CCDC91: variants seen among roughly 807,000 people sequenced by gnomAD.
CCDC91 encodes coiled-coil domain containing 91, also known as coiled-coil domain-containing protein 91.
A neutral mutation model predicts 63.2 loss-of-function variants in CCDC91; 48 were observed. The observed-to-expected ratio is 0.76, with a 90% CI of 0.60 to 0.97. The LOEUF (loss-of-function observed/expected upper bound fraction) is 0.97, where lower values mean the gene tolerates loss of function less well. Ranked by LOEUF, CCDC91 falls within the 50% of genes least tolerant of loss-of-function variation. The pLI is 0.00. For synonymous variants in CCDC91, 167 were observed against 165.8 expected, an observed-to-expected ratio of 1.01 and a Z score of -0.06; for missense variants, 500 against 494.6, an observed-to-expected ratio of 1.01 and a Z score of -0.10.
chr12:28,379,401 A>G (rs1185590349), intron 7 of CCDC91, among the ~76,000 whole-genome samples: 1 of 151,050 alleles, frequency 6.6e-6, no homozygotes, highest in Non-Finnish European at 1.5e-5. Context: ...CAGTCTACCC[A>G]TCTGACAAAG....
At chr12:28,320,177 C>T (rs1940339136) in intron 6 of CCDC91, among the ~76,000 whole-genome samples, 1 of 151,846 alleles carries the variant, frequency 6.6e-6, no homozygotes, top group South Asian at 2.1e-4. Context: ...TTTTTAGGAA[C>T]ATATAATTTG....
chr12:28,469,730 A>T (rs1457653623), intron 11 of CCDC91, among the ~76,000 whole-genome samples: 2 of 152,178 alleles, frequency 1.3e-5, no homozygotes, highest in Admixed American at 6.6e-5. Context: ...GTACTGGCAT[A>T]AAATCAGACA....
At chr12:28,276,999 T>C (rs770666593) in intron 3 of CCDC91, among the ~76,000 whole-genome samples, 6 of 151,978 alleles carry the variant, frequency 3.9e-5, no homozygotes, top group Admixed American at 6.6e-5. Flanking sequence ...TTCAGAGATA[T>C]GGTATCAGTT....
chr12:28,400,203 G>A lies in CCDC91; in HGVS notation c.762+8792G>A, dbSNP rs1378812860. 2.6e-5 allele frequency among the ~76,000 whole-genome samples: 4 copies of A among 152,274 alleles called. No individual in the cohort carries two copies. The South Asian group carries it at 8.3e-4, about 32-fold the overall frequency. On this transcript the variant is annotated intron_variant, in intron 8 of 12. Coordinates refer to ENST00000536442, the MANE Select transcript of CCDC91 (RefSeq NM_018318.5). ...CTCGATTCTTGATTTCTGTGCACCTGCATGCTCAATACCACATGCCAAGGC... is the reference window on the plus strand; with the variant it reads ...CTCGATTCTTGATTTCTGTGCACCTACATGCTCAATACCACATGCCAAGGC...
chr12:28,290,222 T>A (rs113303604), intron 3 of CCDC91, among the ~76,000 whole-genome samples: 4 of 152,302 alleles, frequency 2.6e-5, no homozygotes, highest in African/African-American at 9.6e-5. Context: ...TTAAGATAGA[T>A]CTTATTGAAT....
At chr12:28,255,019 G>A (rs546636098) in intron 1 of CCDC91, among the ~76,000 whole-genome samples, 15 of 152,014 alleles carry the variant, frequency 9.9e-5, no homozygotes, top group East Asian at 3.9e-4. Flanking sequence ...CAGGTGATCC[G>A]CCTACCTCAG....
intron 6 of CCDC91, among the ~76,000 whole-genome samples, chr12:28,360,129 T>G (rs1284208184): frequency 1.3e-5 from 2 of 152,196 alleles, no homozygotes; most frequent in Non-Finnish European, 2.9e-5. Flanking sequence ...AAAATCTGTG[T>G]TTTTGACAAT....
intron 3 of CCDC91, chr12:28,304,670 G>A: frequency 7.8e-7 from 1 of 1,278,970 alleles, no homozygotes. Flanking sequence ...AGAGTTTATG[G>A]TAGAACTTCA....
chr12:28,307,502 A>G (rs1194217500), intron 5 of CCDC91, 143 bp from the exon 6 acceptor site: 2 of 540,498 alleles, frequency 3.7e-6, no homozygotes. Flanking sequence ...TGAAGCATAT[A>G]ATTTATAATA....
chr12:28,410,041 AAAT>A (rs1947220586), intron 8 of CCDC91, among the ~76,000 whole-genome samples: 1 of 152,078 alleles, frequency 6.6e-6, no homozygotes, highest in South Asian at 2.1e-4. Flanking sequence ...CATTTAGGTC[AAAT>A]TTTTTGGTGT....
intron 11 of CCDC91, among the ~76,000 whole-genome samples, chr12:28,478,960 A>G (rs1350141698): frequency 2.0e-5 from 3 of 152,178 alleles, no homozygotes; most frequent in Non-Finnish European, 4.4e-5. Flanking sequence ...ATATCGGGAA[A>G]CAACAGGTGC....
intron 1 of CCDC91, among the ~76,000 whole-genome samples, chr12:28,235,609 AC>A (rs2085108403): frequency 2.1e-5 from 3 of 139,990 alleles, no homozygotes; most frequent in Non-Finnish European, 4.7e-5. Context: ...AAAAAAAAAG[AC>A]GAGGAAAATG....
chr12:28,252,766 T>G (rs1565675643), intron 1 of CCDC91, among the ~76,000 whole-genome samples: 1 of 152,182 alleles, frequency 6.6e-6, no homozygotes, highest in Non-Finnish European at 1.5e-5. Flanking sequence ...TATTTGTTTT[T>G]TAATTAGATG....
chr12:28,246,666 G>C (rs769872509), intron 1 of CCDC91, among the ~76,000 whole-genome samples: 1 of 152,116 alleles, frequency 6.6e-6, no homozygotes, highest in Non-Finnish European at 1.5e-5. Context: ...ATAATGAAAG[G>C]ATTGGAGAGC....
chr12:28,266,097 A>G (rs940952818), intron 3 of CCDC91, among the ~76,000 whole-genome samples: 1 of 152,050 alleles, frequency 6.6e-6, no homozygotes, highest in African/African-American at 2.4e-5. Flanking sequence ...GCCTAAAATG[A>G]TAGCTTCTAT....
chr12:28,401,698 T>C (rs1357662755), intron 8 of CCDC91, among the ~76,000 whole-genome samples: 3 of 152,192 alleles, frequency 2.0e-5, no homozygotes, highest in South Asian at 2.1e-4. Flanking sequence ...ACAGGGCTTA[T>C]TACAATTCAA....
At chr12:28,361,354 C>A (rs1943870146) in intron 6 of CCDC91, among the ~76,000 whole-genome samples, 2 of 151,920 alleles carry the variant, frequency 1.3e-5, no homozygotes, top group Non-Finnish European at 2.9e-5. Context: ...ACAACAGTCC[C>A]CAGAGTGTGA....
intron 3 of CCDC91, among the ~76,000 whole-genome samples, chr12:28,295,226 G>T (rs1181699814): frequency 1.3e-5 from 2 of 152,112 alleles, no homozygotes; most frequent in African/African-American, 4.8e-5. Flanking sequence ...CCTTTGAAGT[G>T]ATTATAACAT....
chr12:28,457,188 A>G (rs528728827), intron 11 of CCDC91, among the ~76,000 whole-genome samples: 8 of 151,976 alleles, frequency 5.3e-5, no homozygotes, highest in Non-Finnish European at 8.8e-5. Context: ...GCTGAGCCCC[A>G]GCCTAGATGC....
Sources: allele counts gnomAD v4.1 joint callset (sites outside exome capture counted in the v4.1 genomes callset), GRCh38; gene constraint gnomAD v4.1.1; transcripts MANE v1.5; gene names NCBI Gene and HGNC (gene_info 2026-07-23, HGNC 2026-07-21).